P2RY6: variants seen among roughly 807,000 people sequenced by gnomAD.
P2RY6 encodes the protein pyrimidinergic receptor P2Y6.
Under a neutral mutation model 16.3 loss-of-function variants are expected in P2RY6, and 19 were observed. That is an observed-to-expected ratio of 1.16 (90% CI 0.81 to 1.71). The LOEUF (loss-of-function observed/expected upper bound fraction) is 1.71, where lower values mean the gene tolerates loss of function less well. Ranked by LOEUF, P2RY6 falls within the 40% of genes most tolerant of loss-of-function variation. The probability of loss-of-function intolerance (pLI) is 0.00; values close to 1 mark genes in which losing one functional copy is unlikely to be tolerated. For synonymous variants in P2RY6, 184 were observed against 201.5 expected (o/e 0.91, Z 0.74); for missense variants, 389 against 455.5 (o/e 0.85, Z 1.33).
intron 1 of P2RY6, among the ~76,000 whole-genome samples, chr11:73,274,568 G>GAAAAGA (rs778325270): frequency 7.9e-5 from 12 of 151,294 alleles, no homozygotes; most frequent in East Asian, 1.9e-4. Context: ...AAGAAAGAAA[G>GAAAAGA]AAAAGAAAAA....
chr11:73,292,293 A>C (rs1864286492), intron 1 of P2RY6, among the ~76,000 whole-genome samples: 1 of 152,124 alleles, frequency 6.6e-6, no homozygotes, highest in South Asian at 2.1e-4. Flanking sequence ...AAGAAGAGGG[A>C]AGCGGGGGGA....
intron 1 of P2RY6, among the ~76,000 whole-genome samples, chr11:73,289,592 C>T (rs138584320): frequency 1.3e-5 from 2 of 152,252 alleles, no homozygotes; most frequent in Admixed American, 6.5e-5. Context: ...GCAGACCAGC[C>T]TTGCCCTCAC....
upstream of P2RY6, among the ~76,000 whole-genome samples, chr11:73,269,448 C>T (rs1207599025): frequency 6.6e-6 from 1 of 152,206 alleles, no homozygotes; most frequent in African/African-American, 2.4e-5. Context: ...CCCGTGACAT[C>T]TGGGACAGTT....
intron 1 of P2RY6, among the ~76,000 whole-genome samples, chr11:73,290,281 G>GGAAAGAAAGAAAGAAAGAAAGAAA (rs138315853): frequency 2.3e-5 from 3 of 131,078 alleles, no homozygotes; most frequent in African/African-American, 8.9e-5. Flanking sequence ...AAGAAAGGAA[G>GGAAAGAAAGAAAGAAAGAAAGAAA]GAAAGAAAGA....
intron 1 of P2RY6, among the ~76,000 whole-genome samples, chr11:73,285,169 C>T (rs2135726584): frequency 6.6e-6 from 1 of 152,270 alleles, no homozygotes; most frequent in East Asian, 1.9e-4. Flanking sequence ...CTCCCAGGCT[C>T]AAGCGATTTT....
intron 1 of P2RY6, among the ~76,000 whole-genome samples, chr11:73,282,323 C>A (rs996869185): frequency 6.6e-6 from 1 of 152,218 alleles, no homozygotes; most frequent in African/African-American, 2.4e-5. Flanking sequence ...CATGCCTCTG[C>A]CCTGCTTTAG....
At chr11:73,265,095 GGT>G (rs1294644517) in intron 1 of P2RY6, 1 of 152,898 alleles carries the variant, frequency 6.5e-6, no homozygotes, top group Non-Finnish European at 1.5e-5. Context: ...TGAATTGTGA[GGT>G]GTGTGTTTTG....
At chr11:73,291,354 C>T (rs1482116843) in intron 1 of P2RY6, among the ~76,000 whole-genome samples, 1 of 152,184 alleles carries the variant, frequency 6.6e-6, no homozygotes, top group African/African-American at 2.4e-5. Flanking sequence ...GTTCCCATTC[C>T]TGGGACAGTG....
chr11:73,297,180 G>A lies in P2RY6; in HGVS notation c.662G>A (p.Arg221His), dbSNP rs150383317. 8.7e-6 allele frequency: 14 copies of A among 1,603,854 alleles called. No individual in the cohort carries two copies. The highest frequency in any genetic ancestry group is 6.7e-5 in the African/African-American group (5 of 75,056). The change falls in exon 3 of 3, where the codon CGC becomes CAC. Residue 221 changes from arginine (R) to histidine (H), a missense_variant. Physicochemically the swap from Arg to His is conservative, Grantham distance 29. Transcript: ENST00000540124. ...TGTCTCCTGGCCTGCCGCCTGTGCCGCCAGGATGGCCCGGCAGAGCCTGTG... is the reference window on the plus strand; with the variant it reads ...TGTCTCCTGGCCTGCCGCCTGTGCCACCAGGATGGCCCGGCAGAGCCTGTG... The part of the protein sequence containing the change: ...CYCLLACRLC[R>H]QDGPAEPVAQ...
At chr11:73,284,342 A>T (rs982076803) in intron 1 of P2RY6, among the ~76,000 whole-genome samples, 4 of 152,088 alleles carry the variant, frequency 2.6e-5, no homozygotes, top group African/African-American at 9.7e-5. Context: ...CCTGGTGGGG[A>T]GGCCTAGGCT....
In P2RY6 at chr11:73,297,818, C is replaced by T; in HGVS notation, c.*313C>T. ...ACGTGTACTGTCATCAAGGGGTATG[C>T]TCCATGCTTTGAGTCACCAATGAAG... On this transcript the variant is annotated 3_prime_UTR_variant, in exon 3 of 3. Transcript: ENST00000540124. 2.9e-6 allele frequency: 1 copy of T among 343,354 alleles called. No individual in the cohort carries two copies. Among genetic ancestry groups the T allele is most frequent in the Non-Finnish European group, 5.6e-6 (1 of 178,774 alleles). 21.3% of individuals were successfully genotyped at this position (343,354 alleles called of 1,614,324 possible). A position where few individuals can be genotyped will look rare whatever the true frequency, so the allele number is the denominator to read the frequency against.
At chr11:73,266,381 C>G (rs977675344) in intron 1 of P2RY6, among the ~76,000 whole-genome samples, 1 of 152,048 alleles carries the variant, frequency 6.6e-6, no homozygotes, top group Non-Finnish European at 1.5e-5. Flanking sequence ...AAATGCTGGC[C>G]CTGTGTATGT....
intron 1 of P2RY6, among the ~76,000 whole-genome samples, chr11:73,286,378 C>T (rs1185691615): frequency 1.3e-5 from 2 of 152,116 alleles, no homozygotes; most frequent in Admixed American, 1.3e-4. Flanking sequence ...GACAAAACTG[C>T]CTACCTTCGG....
At position 73,298,273 on chromosome 11, in the gene P2RY6, AG is replaced by A. The variant is rs1361055215; in HGVS notation, c.*769del. ...ACCCAGGTATGCTCCATGCATATCC[AG>A]CTGGGCCAGCCTCGTGCTGGGCTCT... On this transcript the variant is annotated 3_prime_UTR_variant, in exon 3 of 3. Coordinates refer to ENST00000540124, the MANE Select transcript of P2RY6 (RefSeq NM_001277204.2). 2 of 167,190 alleles carry A rather than the reference AG, an allele frequency of 1.2e-5. No homozygotes were observed. Among genetic ancestry groups the A allele is most frequent in the African/African-American group, 4.8e-5 (2 of 41,472 alleles). The allele number at this position is 167,190 out of a possible 1,614,324, so 10.4% of individuals were successfully genotyped here. A position where few individuals can be genotyped will look rare whatever the true frequency, so the allele number is the denominator to read the frequency against.
intron 1 of P2RY6, among the ~76,000 whole-genome samples, chr11:73,290,302 GAAAAGAAAGAAA>G (rs1406301877): frequency 2.2e-3 from 179 of 80,940 alleles, no homozygotes; most frequent in Admixed American, 3.1e-3. Context: ...AAGAAAGAAA[GAAAAGAAAGAAA>G]GAAAGAAAGA....
chr11:73,288,013 C>A (rs563927981), intron 1 of P2RY6, among the ~76,000 whole-genome samples: 3 of 152,218 alleles, frequency 2.0e-5, no homozygotes, highest in African/African-American at 7.2e-5. Flanking sequence ...CTGTGCCCAC[C>A]GGGGCCGCGT....
At chr11:73,285,066 G>T (rs1863914789) in intron 1 of P2RY6, among the ~76,000 whole-genome samples, 3 of 152,140 alleles carry the variant, frequency 2.0e-5, no homozygotes, top group Admixed American at 1.3e-4. Flanking sequence ...CACCTGAGGG[G>T]GTCTGTCCTA....
chr11:73,274,914 G>A (rs1591666701), intron 1 of P2RY6, among the ~76,000 whole-genome samples: 1 of 152,242 alleles, frequency 6.6e-6, no homozygotes. Flanking sequence ...GTGGGGATCC[G>A]GCAGCCCAGG....
upstream of P2RY6, among the ~76,000 whole-genome samples, chr11:73,269,663 GC>G (rs1215076632): frequency 6.6e-6 from 1 of 152,204 alleles, no homozygotes; most frequent in Admixed American, 6.5e-5. Context: ...AAACACCTGT[GC>G]CTTGTGAATG....
Sources: allele counts gnomAD v4.1 joint callset (sites outside exome capture counted in the v4.1 genomes callset), GRCh38; gene constraint gnomAD v4.1.1; transcripts MANE v1.5; gene names NCBI Gene and HGNC (gene_info 2026-07-23, HGNC 2026-07-21).